Variants in SAP30BP observed in about 807,000 individuals in gnomAD.
SAP30BP encodes the protein SAP30-binding protein.
A neutral mutation model predicts 46.3 loss-of-function variants in SAP30BP; 31 were observed. The ratio of observed to expected loss-of-function variants is 0.67; its 90% confidence interval spans 0.50 to 0.90. The LOEUF is 0.90. SAP30BP is among the 40% of genes least tolerant of loss of function. SAP30BP has a pLI of 0.00. For synonymous variants in SAP30BP, 169 were observed against 144.2 expected (o/e 1.17, Z -1.23); for missense variants, 312 against 391.0 (o/e 0.80, Z 1.70).
In SAP30BP at chr17:75,693,441, A is replaced by G. The variant is rs529241698; in HGVS notation, c.266A>G (p.Asp89Gly). 1 of 1,613,960 alleles carries G rather than the reference A, an allele frequency of 6.2e-7. No individual in the cohort carries two copies. Among genetic ancestry groups the G allele is most frequent in the Non-Finnish European group, 8.5e-7 (1 of 1,179,876 alleles). ...TEKPEADDPK[D>G]NTEAEKRDPQ... ...CTCGTATTTGTTTGTCTTTTGCAGG[A>G]TAATACAGAAGCAGAAAAGCGAGAC... Residue 89 changes from aspartate to glycine, a missense_variant and splice_region_variant, in exon 4 of 11, where the codon GAT becomes GGT. Asp to Gly is a moderately conservative substitution (Grantham distance 94). Transcript: ENST00000584667.
At chr17:75,699,641 G>A in intron 4 of SAP30BP, 142 bp from the exon 5 acceptor site, 1 of 565,382 alleles carries the variant, frequency 1.8e-6, no homozygotes, top group Admixed American at 2.8e-5. Context: ...ACCTCAGAGA[G>A]GCCACATCCG....
At chr17:75,679,135 T>A (rs1568304227) in intron 3 of SAP30BP, among the ~76,000 whole-genome samples, 1 of 152,006 alleles carries the variant, frequency 6.6e-6, no homozygotes, top group Non-Finnish European at 1.5e-5. Flanking sequence ...TACCTGGGAC[T>A]ACAGGCGCCC....
At chr17:75,692,566 A>G in intron 3 of SAP30BP, 1 of 957,510 alleles carries the variant, frequency 1.0e-6, no homozygotes. Flanking sequence ...CAATGGAGGC[A>G]AGGGAAGACT....
intron 3 of SAP30BP, chr17:75,672,189 A>C: frequency 1.2e-5 from 4 of 336,522 alleles, no homozygotes; most frequent in Non-Finnish European, 1.7e-5. Context: ...CAGGTGGATT[A>C]GTCTGTTTCT....
At chr17:75,685,296 T>C (rs1320638847) in intron 3 of SAP30BP, among the ~76,000 whole-genome samples, 1 of 152,242 alleles carries the variant, frequency 6.6e-6, no homozygotes, top group Non-Finnish European at 1.5e-5. Context: ...GATCCAGCAC[T>C]TCCGACCTTC....
rs928399449 is a variant in SAP30BP at position 75,704,654 on chromosome 17, A to G, written c.602-102A>G. 9.2e-6 allele frequency: 8 copies of G among 868,640 alleles called. No homozygotes were observed. The African/African-American group carries it at 1.2e-4, about 13-fold the overall frequency. The allele number at this position is 868,640 out of a possible 1,614,324, so 53.8% of individuals were successfully genotyped here. On this transcript the variant is annotated intron_variant, in intron 8 of 10. Coordinates refer to ENST00000584667, the MANE Select transcript of SAP30BP (RefSeq NM_013260.8). ...AGCACAAAGAACACTGAGCCCATGA[A>G]GGCCTTTAGCCCGCTGAAAAGAACG...
At chr17:75,673,637 A>T (rs911659655) in intron 3 of SAP30BP, among the ~76,000 whole-genome samples, 1 of 152,156 alleles carries the variant, frequency 6.6e-6, no homozygotes, top group Non-Finnish European at 1.5e-5. Flanking sequence ...CCCCTTCTAA[A>T]ATACTGTAAT....
chr17:75,673,727 T>C (rs1157138014), intron 3 of SAP30BP, among the ~76,000 whole-genome samples: 1 of 152,106 alleles, frequency 6.6e-6, no homozygotes, highest in Non-Finnish European at 1.5e-5. Flanking sequence ...CAGACTTTAC[T>C]GCTGTCCAGT....
intron 3 of SAP30BP, among the ~76,000 whole-genome samples, chr17:75,677,431 G>GC (rs974003883): frequency 1.8e-5 from 2 of 114,164 alleles, no homozygotes; most frequent in African/African-American, 5.9e-5. Flanking sequence ...AGTGAAACTG[G>GC]CTTTTTTTTT....
intron 5 of SAP30BP, among the ~76,000 whole-genome samples, chr17:75,701,270 G>A (rs1355084602): frequency 6.6e-6 from 1 of 152,208 alleles, no homozygotes; most frequent in African/African-American, 2.4e-5. Context: ...AACCCCCACT[G>A]CAGGGGGAGG....
rs145190145 is a variant in SAP30BP, at chr17:75,673,381, C to T, written c.264+1518C>T. 9.8e-3 allele frequency among the ~76,000 whole-genome samples: 1,486 copies of T among 152,248 alleles called. 10 individuals carry two copies. The highest frequency in any genetic ancestry group is 0.015 in the African/African-American group (632 of 41,526). The stretch of plus-strand genomic sequence containing the variant: ...GTTCAAAGTCAGTCACAGCTCTCCT[C>T]GGGCTTGCAGAACAAAACACTCAGT... On this transcript the variant is annotated intron_variant, in intron 3 of 10. Coordinates refer to ENST00000584667, the MANE Select transcript of SAP30BP (RefSeq NM_013260.8).
intron 3 of SAP30BP, among the ~76,000 whole-genome samples, chr17:75,686,043 C>T (rs2060151573): frequency 6.6e-6 from 1 of 152,210 alleles, no homozygotes; most frequent in Admixed American, 6.5e-5. Flanking sequence ...TAACATGTTC[C>T]ATGTAACAAC....
At chr17:75,673,901 T>G (rs2059943986) in intron 3 of SAP30BP, among the ~76,000 whole-genome samples, 1 of 152,204 alleles carries the variant, frequency 6.6e-6, no homozygotes, top group South Asian at 2.1e-4. Context: ...CTGTTCCTCA[T>G]TCACTCATGT....
intron 9 of SAP30BP, 62 bp from the exon 10 acceptor site, chr17:75,705,946 T>C (rs2060490195): frequency 6.2e-7 from 1 of 1,602,506 alleles, no homozygotes; most frequent in Non-Finnish European, 8.5e-7. Context: ...AGCTGACGGA[T>C]GGCAAAAAGC....
Position 75,704,567 on chromosome 17 carries a change from C to T in SAP30BP, c.602-189C>T, listed in dbSNP as rs1038471318. 5 of 587,176 alleles carry T rather than the reference C, an allele frequency of 8.5e-6. No individual in the cohort carries two copies. In the Admixed American group the frequency reaches 8.7e-5, roughly 10 times the overall value. 36.4% of individuals were successfully genotyped at this position (587,176 alleles called of 1,614,324 possible). On this transcript the variant is annotated intron_variant, in intron 8 of 10. Coordinates refer to ENST00000584667, the MANE Select transcript of SAP30BP (RefSeq NM_013260.8). Reference sequence around the variant, plus strand: ...TCCGGGCACACACAGGGCATGCAGCCCGCCAGTCTGGAGCTGAAGGCCCCT... The same window carrying T: ...TCCGGGCACACACAGGGCATGCAGCTCGCCAGTCTGGAGCTGAAGGCCCCT...
At chr17:75,685,997 T>C (rs949697108) in intron 3 of SAP30BP, among the ~76,000 whole-genome samples, 6 of 152,324 alleles carry the variant, frequency 3.9e-5, no homozygotes, top group African/African-American at 1.4e-4. Context: ...CCCTTGGAAA[T>C]AGCTCCCTGC....
intron 3 of SAP30BP, among the ~76,000 whole-genome samples, chr17:75,689,257 C>A (rs1303378874): frequency 6.6e-6 from 1 of 150,632 alleles, no homozygotes; most frequent in Non-Finnish European, 1.5e-5. Context: ...GCTGGGATTA[C>A]AGGCATGCAC....
At chr17:75,694,079 A>G (rs531734735) in intron 4 of SAP30BP, among the ~76,000 whole-genome samples, 23 of 152,198 alleles carry the variant, frequency 1.5e-4, no homozygotes, top group African/African-American at 5.1e-4. Flanking sequence ...ACCGGGGGGC[A>G]GTTCCCGGCA....
At chr17:75,691,492 G>C (rs775373848) in intron 3 of SAP30BP, 1 of 456,660 alleles carries the variant, frequency 2.2e-6, no homozygotes, top group Non-Finnish European at 4.4e-6. Context: ...CCACGGGGAG[G>C]CTCCTGGCCT....
Sources: gnomAD v4.1 joint callset for allele counts (sites outside exome capture counted in the v4.1 genomes callset) on GRCh38, gnomAD v4.1.1 for gene constraint, MANE v1.5 for transcripts, NCBI Gene and HGNC (gene_info 2026-07-23, HGNC 2026-07-21) for gene names.